The following ZNF385D variants were observed in gnomAD, a reference collection of about 807,000 sequenced individuals.
The protein encoded by ZNF385D is zinc finger protein 385D.
In ZNF385D, 15 loss-of-function variants were observed where a neutral mutation model predicts 35.8. The observed-to-expected ratio is 0.42, with a 90% CI of 0.28 to 0.64. The LOEUF (loss-of-function observed/expected upper bound fraction) is 0.64, where lower values mean the gene tolerates loss of function less well. Among genes scored for constraint, ZNF385D ranks in the 30% least tolerant of loss-of-function variants. The pLI is 0.23. For missense variants in ZNF385D, 474 were observed against 494.6 expected (o/e 0.96, Z 0.39); for synonymous variants, 212 against 186.8 (o/e 1.13, Z -1.10).
intron 4 of ZNF385D, among the ~76,000 whole-genome samples, chr3:21,441,351 C>A (rs1317253087): frequency 6.6e-6 from 1 of 152,082 alleles, no homozygotes; most frequent in African/African-American, 2.4e-5. Context: ...ATCATAGCAA[C>A]AAAACTGAGG....
At chr3:21,666,900 A>T (rs1027479974) in intron 1 of ZNF385D, among the ~76,000 whole-genome samples, 1 of 152,102 alleles carries the variant, frequency 6.6e-6, no homozygotes, top group Non-Finnish European at 1.5e-5. Context: ...TAACACGGCG[A>T]AACTCCATCT....
chr3:22,334,716 T>C (rs1695088728), intron 2 of ZNF385D, among the ~76,000 whole-genome samples: 1 of 152,170 alleles, frequency 6.6e-6, no homozygotes, highest in African/African-American at 2.4e-5. Context: ...CATTTTACCC[T>C]ACTTTTATTA....
rs552889793 is a variant in ZNF385D, at chr3:21,888,234, C to T, written c.326-223206G>A. On this transcript the variant is annotated intron_variant, in intron 3 of 5. Transcript: ENST00000494108. ...TAGGTGGTTAAATAACTATGTGGAA[C>T]TTATAAAAGTAAGCTAGTATGGACT... Among the ~76,000 whole-genome samples the T allele has an allele frequency of 1.1e-4, 16 of 152,036 alleles. No individual in the cohort carries two copies. In the East Asian group the frequency reaches 2.9e-3, roughly 28 times the overall value.
intron 3 of ZNF385D, among the ~76,000 whole-genome samples, chr3:21,794,546 T>G (rs1275754915): frequency 6.6e-6 from 1 of 152,138 alleles, no homozygotes. Flanking sequence ...GCAAGGAGAT[T>G]TGATATGCGG....
intron 2 of ZNF385D, among the ~76,000 whole-genome samples, chr3:22,181,145 T>G (rs1020013234): frequency 2.0e-5 from 3 of 152,124 alleles, no homozygotes; most frequent in South Asian, 2.1e-4. Flanking sequence ...TAATTACTCT[T>G]AGATCAATGT....
chr3:21,694,570 G>A (rs978260900), intron 1 of ZNF385D, among the ~76,000 whole-genome samples: 1 of 152,136 alleles, frequency 6.6e-6, no homozygotes, highest in Non-Finnish European at 1.5e-5. Flanking sequence ...TCCCTTGCTC[G>A]ATAGAGAAAG....
intron 3 of ZNF385D, among the ~76,000 whole-genome samples, chr3:21,971,456 T>G (rs559497381): frequency 8.5e-4 from 120 of 140,418 alleles, no homozygotes; most frequent in Non-Finnish European, 1.7e-3. Context: ...TTCATGGTAA[T>G]CTCAAATCAA....
intron 2 of ZNF385D, among the ~76,000 whole-genome samples, chr3:22,186,659 T>C (rs1393874203): frequency 6.6e-6 from 1 of 152,150 alleles, no homozygotes; most frequent in Non-Finnish European, 1.5e-5. Flanking sequence ...TGATATATTT[T>C]TGGTCTCATG....
intron 3 of ZNF385D, among the ~76,000 whole-genome samples, chr3:21,765,217 TGAGAGAGA>T (rs562978427): frequency 6.7e-6 from 1 of 149,476 alleles, no homozygotes; most frequent in African/African-American, 2.5e-5. Flanking sequence ...TGTGTGTGTG[TGAGAGAGA>T]GAGAGAGAGA....
At chr3:22,039,236 A>T (rs1337953307) in intron 3 of ZNF385D, among the ~76,000 whole-genome samples, 4 of 130,266 alleles carry the variant, frequency 3.1e-5, no homozygotes, top group South Asian at 5.7e-4. Flanking sequence ...AACACTGTTG[A>T]TTTGGCTATA....
At chr3:22,015,547 C>A (rs1696832222) in intron 3 of ZNF385D, among the ~76,000 whole-genome samples, 1 of 152,078 alleles carries the variant, frequency 6.6e-6, no homozygotes. Context: ...CATTTCTGTC[C>A]ATTCATCTAG....
chr3:21,471,738 T>A (rs1474310464), intron 4 of ZNF385D, among the ~76,000 whole-genome samples: 3 of 152,142 alleles, frequency 2.0e-5, no homozygotes, highest in Non-Finnish European at 4.4e-5. Context: ...TTAAGACTTT[T>A]TAGTTTTGAT....
chr3:22,152,541 G>C (rs1705308489), intron 3 of ZNF385D, among the ~76,000 whole-genome samples: 1 of 152,120 alleles, frequency 6.6e-6, no homozygotes, highest in Non-Finnish European at 1.5e-5. Flanking sequence ...GCCTCTTTCA[G>C]CTTCTAGAAG....
chr3:21,989,651 A>ACAT (rs1300034564), intron 3 of ZNF385D, among the ~76,000 whole-genome samples: 2 of 151,082 alleles, frequency 1.3e-5, no homozygotes, highest in South Asian at 2.1e-4. Flanking sequence ...TGTTCTTATG[A>ACAT]CATCATGTTT....
rs181608539 is a variant in ZNF385D at position 21,495,497 on chromosome 3, G to A, written c.439+15364C>T. On this transcript the variant is annotated intron_variant, in intron 4 of 7. Coordinates refer to ENST00000281523, the MANE Select transcript of ZNF385D (RefSeq NM_024697.3). ...TAAGGCAGAAATCAAGAAATTCTTT[G>A]AAACTAATGAGTGCAAAGGTACAAC... Among the ~76,000 whole-genome samples the A allele has an allele frequency of 8.4e-3, 1,274 of 152,194 alleles. 14 individuals are homozygous for A. The highest frequency in any genetic ancestry group is 0.044 in the Middle Eastern group (13 of 294).
intron 3 of ZNF385D, among the ~76,000 whole-genome samples, chr3:21,991,236 A>T (rs1441379043): frequency 2.0e-5 from 3 of 152,216 alleles, no homozygotes; most frequent in Non-Finnish European, 4.4e-5. Flanking sequence ...TTAGATGGAA[A>T]GCAGTTGTAC....
At chr3:21,915,939 A>G (rs1309115611) in intron 3 of ZNF385D, among the ~76,000 whole-genome samples, 3 of 152,166 alleles carry the variant, frequency 2.0e-5, no homozygotes, top group African/African-American at 7.2e-5. Context: ...TACACTGGCC[A>G]GTGGCAACTA....
chr3:22,022,911 C>A (rs149959781), intron 3 of ZNF385D, among the ~76,000 whole-genome samples: 54 of 152,112 alleles, frequency 3.6e-4, no homozygotes, highest in Non-Finnish European at 6.0e-4. Flanking sequence ...GCACGGAAGG[C>A]AAATATGGTT....
intron 3 of ZNF385D, among the ~76,000 whole-genome samples, chr3:21,938,280 C>G (rs1225477609): frequency 6.6e-6 from 1 of 152,158 alleles, no homozygotes; most frequent in Non-Finnish European, 1.5e-5. Context: ...GTTTTTGTGA[C>G]TGACACCGGT....
Sources: gnomAD v4.1 joint callset for allele counts (sites outside exome capture counted in the v4.1 genomes callset) on GRCh38, gnomAD v4.1.1 for gene constraint, MANE v1.5 for transcripts, NCBI Gene and HGNC (gene_info 2026-07-23, HGNC 2026-07-21) for gene names.